Variants in ASTN1 observed in about 807,000 individuals in gnomAD.
ASTN1 encodes the protein astrotactin 1, also known as astrotactin-1.
ASTN1 carries 41 observed loss-of-function variants against 140.7 expected under a neutral mutation model. That is an observed-to-expected ratio of 0.29 (90% CI 0.23 to 0.38). The LOEUF is 0.38. Ranked by LOEUF, ASTN1 falls within the 10% of genes least tolerant of loss-of-function variation. The pLI, the probability that ASTN1 is intolerant of heterozygous loss-of-function variation, is 1.00. For missense variants in ASTN1, 1,479 were observed against 1,678.8 expected (o/e 0.88, Z 2.08); for synonymous variants, 640 against 652.2 (o/e 0.98, Z 0.29).
At chr1:176,884,278 T>C in intron 19 of ASTN1, 61 bp downstream of exon 19, 1 of 1,559,876 alleles carries the variant, frequency 6.4e-7, no homozygotes, top group Non-Finnish European at 8.8e-7. Flanking sequence ...CAGGGCATTT[T>C]TCTTTGTTTT....
chr1:177,135,808 C>A (rs2102212603), intron 1 of ASTN1, among the ~76,000 whole-genome samples: 1 of 152,226 alleles, frequency 6.6e-6, no homozygotes, highest in Admixed American at 6.5e-5. Flanking sequence ...TTCTCATGAC[C>A]CAGTAGCATG....
intron 19 of ASTN1, among the ~76,000 whole-genome samples, chr1:176,883,762 G>A (rs1300278205): frequency 6.6e-5 from 10 of 152,178 alleles, no homozygotes; most frequent in Non-Finnish European, 1.0e-4. Context: ...GATTATGAAT[G>A]TTGACCTTTC....
At chr1:176,969,869 C>T (rs186447963) in intron 8 of ASTN1, among the ~76,000 whole-genome samples, 296 of 152,274 alleles carry the variant, frequency 1.9e-3, no homozygotes, top group Non-Finnish European at 3.3e-3. Context: ...TGAAGATTGT[C>T]GTCCCATGTG....
chr1:176,985,847 CACA>C (rs1558010931), intron 8 of ASTN1, among the ~76,000 whole-genome samples: 4 of 47,962 alleles, frequency 8.3e-5, no homozygotes, highest in Non-Finnish European at 7.0e-5. Context: ...TCTCTCTCTA[CACA>C]CACACACACA....
intron 8 of ASTN1, among the ~76,000 whole-genome samples, chr1:177,002,579 CA>C (rs1474646192): frequency 2.0e-5 from 3 of 151,830 alleles, no homozygotes; most frequent in African/African-American, 7.3e-5. Context: ...GATTTTTTAT[CA>C]CACGCATTCC....
At chr1:177,049,494 A>C (rs2102010814) in intron 2 of ASTN1, among the ~76,000 whole-genome samples, 1 of 152,270 alleles carries the variant, frequency 6.6e-6, no homozygotes, top group Admixed American at 6.5e-5. Context: ...TGAACGCCAA[A>C]GTTTTGAGAA....
intron 1 of ASTN1, among the ~76,000 whole-genome samples, chr1:177,162,636 T>C (rs1647448018): frequency 6.6e-6 from 1 of 152,192 alleles, no homozygotes; most frequent in Non-Finnish European, 1.5e-5. Flanking sequence ...AGCCCTCCCT[T>C]TTTTTAAGCA....
intron 1 of ASTN1, among the ~76,000 whole-genome samples, chr1:177,115,113 C>T (rs1361762813): frequency 6.6e-6 from 1 of 152,024 alleles, no homozygotes; most frequent in Non-Finnish European, 1.5e-5. Flanking sequence ...GTTCAACAGA[C>T]CAGGAGGAGC....
intron 1 of ASTN1, among the ~76,000 whole-genome samples, chr1:177,082,509 C>G (rs1054665000): frequency 1.3e-5 from 2 of 152,144 alleles, no homozygotes; most frequent in African/African-American, 4.8e-5. Context: ...GCCCCTTGAT[C>G]TTTCTGTCAT....
intron 20 of ASTN1, among the ~76,000 whole-genome samples, chr1:176,877,237 T>C (rs35448774): frequency 0.054 from 8,197 of 152,284 alleles, 284 homozygotes; most frequent in African/African-American, 0.097. Context: ...AAAGATAATA[T>C]GGTTCATGAC....
In ASTN1 at chr1:176,864,028, C is replaced by T. The variant is rs907368088; in HGVS notation, c.*256G>A. 1 of 1,267,482 alleles carries T rather than the reference C, an allele frequency of 7.9e-7. No homozygotes were observed. Among genetic ancestry groups the T allele is most frequent in the Non-Finnish European group, 1.0e-6 (1 of 1,003,814 alleles). The allele number at this position is 1,267,482 out of a possible 1,614,324, so 78.5% of individuals were successfully genotyped here. ...TGAATGGAACAAATTAATGGCAAAG[C>T]AAACCCCAAAGTAATCCTCTAAAGA... On this transcript the variant is annotated 3_prime_UTR_variant, in exon 23 of 23. Transcript: ENST00000361833.
chr1:177,102,128 A>G (rs2102132420), intron 1 of ASTN1, among the ~76,000 whole-genome samples: 1 of 152,328 alleles, frequency 6.6e-6, no homozygotes, highest in Admixed American at 6.5e-5. Flanking sequence ...GACATGGACT[A>G]ATTAGGCATT....
At chr1:176,938,202 T>G (rs1032814950) in intron 14 of ASTN1, among the ~76,000 whole-genome samples, 4 of 152,208 alleles carry the variant, frequency 2.6e-5, no homozygotes. Flanking sequence ...TACGTTAACT[T>G]CAAAAGCATA....
intron 2 of ASTN1, among the ~76,000 whole-genome samples, chr1:177,039,889 C>A (rs1171225901): frequency 6.6e-6 from 1 of 152,126 alleles, no homozygotes; most frequent in African/African-American, 2.4e-5. Context: ...TGGAGCTGGC[C>A]CACTAGAAGC....
intron 9 of ASTN1, 79 bp from the exon 10 acceptor site, chr1:176,958,561 C>A: frequency 6.8e-7 from 1 of 1,469,642 alleles, no homozygotes; most frequent in Non-Finnish European, 9.0e-7. Context: ...ATTCCATTAC[C>A]AGTGCTTTCT....
intron 7 of ASTN1, among the ~76,000 whole-genome samples, chr1:177,021,121 C>T (rs1229256189): frequency 6.6e-6 from 1 of 152,186 alleles, no homozygotes; most frequent in African/African-American, 2.4e-5. Context: ...ACCACATCAC[C>T]AATGCTTTCC....
chr1:177,014,128 A>G (rs1048988245), intron 8 of ASTN1, among the ~76,000 whole-genome samples: 9 of 152,122 alleles, frequency 5.9e-5, no homozygotes, highest in African/African-American at 9.7e-5. Context: ...ACTGAATTGT[A>G]TACTTAAAAA....
intron 7 of ASTN1, among the ~76,000 whole-genome samples, chr1:177,016,236 C>T (rs1019851816): frequency 2.0e-5 from 3 of 151,164 alleles, no homozygotes; most frequent in African/African-American, 7.3e-5. Context: ...AGCCTCACTA[C>T]CAGATCACAC....
intron 2 of ASTN1, among the ~76,000 whole-genome samples, chr1:177,043,870 CA>C (rs1163560250): frequency 6.6e-6 from 1 of 152,078 alleles, no homozygotes; most frequent in Non-Finnish European, 1.5e-5. Flanking sequence ...CCCTGGCAGT[CA>C]AAAAAGTCTT....
Sources: allele counts gnomAD v4.1 joint callset (sites outside exome capture counted in the v4.1 genomes callset), GRCh38; gene constraint gnomAD v4.1.1; transcripts MANE v1.5; gene names NCBI Gene and HGNC (gene_info 2026-07-23, HGNC 2026-07-21).